The following CDK13 variants were observed in gnomAD, a reference collection of about 807,000 sequenced individuals.
The protein encoded by CDK13 is cyclin-dependent kinase 13.
A neutral mutation model predicts 137.6 loss-of-function variants in CDK13; 40 were observed. That is an observed-to-expected ratio of 0.29 (90% CI 0.23 to 0.38). The LOEUF (loss-of-function observed/expected upper bound fraction) is 0.38. CDK13 is among the 10% of genes least tolerant of loss of function. The pLI is 1.00. For missense variants in CDK13, 1,704 were observed against 1,951.8 expected, an observed-to-expected ratio of 0.87 and a Z score of 2.39; for synonymous variants, 869 against 760.1, an observed-to-expected ratio of 1.14 and a Z score of -2.36.
intron 1 of CDK13, among the ~76,000 whole-genome samples, chr7:39,978,118 C>T (rs1026615361): frequency 6.6e-6 from 1 of 151,680 alleles, no homozygotes; most frequent in Non-Finnish European, 1.5e-5. Context: ...TGATGGGGGA[C>T]GAATTGACAA....
chr7:40,002,070 A>G (rs1186964642), intron 5 of CDK13, 39 bp downstream of exon 5: 20 of 1,469,772 alleles, frequency 1.4e-5, no homozygotes, highest in Non-Finnish European at 1.7e-5. Context: ...TTTTGTATTC[A>G]TGATTGATGT....
At chr7:40,005,343 G>T (rs1784776133) in intron 5 of CDK13, among the ~76,000 whole-genome samples, 1 of 150,272 alleles carries the variant, frequency 6.7e-6, no homozygotes. Context: ...AGGCTGGAGT[G>T]CAGTGGCATG....
chr7:39,953,908 C>CA (rs1481647361), intron 1 of CDK13, among the ~76,000 whole-genome samples: 2 of 152,334 alleles, frequency 1.3e-5, no homozygotes, highest in Non-Finnish European at 2.9e-5. Flanking sequence ...CTTGAAGACT[C>CA]AGTTTCCTAA....
chr7:39,959,287 G>T (rs1490925953), intron 1 of CDK13, among the ~76,000 whole-genome samples: 2 of 151,228 alleles, frequency 1.3e-5, no homozygotes, highest in Admixed American at 6.6e-5. Context: ...TCAGCCTTCC[G>T]AGTAGCTGGG....
chr7:39,958,411 C>T (rs531495627), intron 1 of CDK13, among the ~76,000 whole-genome samples: 7 of 151,914 alleles, frequency 4.6e-5, no homozygotes, highest in Admixed American at 3.3e-4. Context: ...AGAAATTTTC[C>T]GTTAGTATAG....
intron 5 of CDK13, among the ~76,000 whole-genome samples, chr7:40,044,952 A>C (rs1031253306): frequency 1.3e-5 from 2 of 152,122 alleles, no homozygotes; most frequent in African/African-American, 4.8e-5. Context: ...AATCTCATAC[A>C]TAATATCTAG....
chr7:39,952,728 A>G (rs374627625), intron 1 of CDK13: 1 of 152,228 alleles, frequency 6.6e-6, no homozygotes, highest in African/African-American at 2.4e-5. Flanking sequence ...AAAACACAAT[A>G]TAACTAGACC....
chr7:40,077,742 G>GC (rs944606569), intron 9 of CDK13, among the ~76,000 whole-genome samples: 1 of 152,094 alleles, frequency 6.6e-6, no homozygotes, highest in Non-Finnish European at 1.5e-5. Flanking sequence ...TATAATCCCA[G>GC]CTACTCAGGA....
At chr7:40,048,353 T>C (rs1461558973) in intron 7 of CDK13, 1 of 152,202 alleles carries the variant, frequency 6.6e-6, no homozygotes, top group Non-Finnish European at 1.5e-5. Context: ...TGTAGAACTT[T>C]TCTGGCTAAA....
chr7:40,053,774 AAAAG>A lies in CDK13; in HGVS notation c.2600+5900_2600+5903del, dbSNP rs552852440. ...CCATTTTTCTTTTTTTTTTTTAAGA[AAAAG>A]AAGGGAAAAGGAAAGAACAAACTTA... On this transcript the variant is annotated intron_variant, in intron 7 of 13. Coordinates refer to ENST00000181839, the MANE Select transcript of CDK13 (RefSeq NM_003718.5). Among the ~76,000 whole-genome samples, 66 of 151,940 alleles carry A rather than the reference AAAAG, an allele frequency of 4.3e-4. 1 individual carries two copies. The highest frequency in any genetic ancestry group is 1.5e-3 in the African/African-American group (62 of 41,488).
At position 40,097,141 on chromosome 7, in the gene CDK13, T is replaced by G. The variant is rs1300198010; in HGVS notation, c.*2161T>G. ...TATTTTATATAAAATTGAACTGTGT[T>G]TGGATAGTTTTTCTAATCAAACATT... On this transcript the variant is annotated 3_prime_UTR_variant, in exon 14 of 14. Transcript: ENST00000181839. 2.0e-5 allele frequency: 3 copies of G among 152,102 alleles called. No individual in the cohort carries two copies. Among genetic ancestry groups the G allele is most frequent in the Non-Finnish European group, 4.4e-5 (3 of 67,972 alleles). 9.4% of individuals were successfully genotyped at this position (152,102 alleles called of 1,614,324 possible). A position where few individuals can be genotyped will look rare whatever the true frequency, so the allele number is the denominator to read the frequency against.
rs148099099 is a variant in CDK13, at chr7:39,992,839, A to G, written c.1871+4581A>G. On this transcript the variant is annotated intron_variant, in intron 2 of 13. Transcript: ENST00000181839. ...TCTGGAAATTACTTGTGCTTTGTTT[A>G]TATAAAGAATACACAGTTTTTTAGC... Among the ~76,000 whole-genome samples, 900 of 152,116 alleles carry G rather than the reference A, an allele frequency of 5.9e-3. 5 individuals are homozygous for G. The highest frequency in any genetic ancestry group is 0.021 in the African/African-American group (863 of 41,498).
At chr7:40,083,134 CCTT>C (rs1584084462) in intron 11 of CDK13, among the ~76,000 whole-genome samples, 1 of 149,654 alleles carries the variant, frequency 6.7e-6, no homozygotes, top group East Asian at 2.0e-4. Flanking sequence ...ATTCTAATGA[CCTT>C]CTAGGTGTTA....
intron 1 of CDK13, chr7:39,952,970 G>C (rs763050975): frequency 1.3e-5 from 2 of 152,158 alleles, no homozygotes; most frequent in Non-Finnish European, 1.5e-5. Context: ...AGACCTTATA[G>C]TGTAGAGTAT....
chr7:40,007,679 C>T (rs1466861888), intron 5 of CDK13, among the ~76,000 whole-genome samples: 2 of 152,140 alleles, frequency 1.3e-5, no homozygotes, highest in Admixed American at 6.5e-5. Context: ...CCACCCACCT[C>T]GGCCTCCCAA....
chr7:40,050,059 A>G (rs1330157889), intron 7 of CDK13, among the ~76,000 whole-genome samples: 1 of 151,640 alleles, frequency 6.6e-6, no homozygotes, highest in Non-Finnish European at 1.5e-5. Context: ...AGCTCACTAC[A>G]GCCTCCACCT....
chr7:40,016,781 A>G (rs1410457557), intron 5 of CDK13, among the ~76,000 whole-genome samples: 1 of 152,180 alleles, frequency 6.6e-6, no homozygotes, highest in Non-Finnish European at 1.5e-5. Context: ...CTATAATAAA[A>G]GAAATGTAAT....
At chr7:40,044,684 T>C (rs1391995224) in intron 5 of CDK13, among the ~76,000 whole-genome samples, 3 of 152,130 alleles carry the variant, frequency 2.0e-5, no homozygotes, top group Non-Finnish European at 4.4e-5. Context: ...TCACCCAGGC[T>C]AGAGTGCAGT....
chr7:40,027,755 T>C (rs1785276222), intron 5 of CDK13, among the ~76,000 whole-genome samples: 1 of 150,174 alleles, frequency 6.7e-6, no homozygotes, highest in Non-Finnish European at 1.5e-5. Context: ...ATGACTCAGA[T>C]TGGGCAGTTG....
Sources: allele counts gnomAD v4.1 joint callset (sites outside exome capture counted in the v4.1 genomes callset), GRCh38; gene constraint gnomAD v4.1.1; transcripts MANE v1.5; gene names NCBI Gene and HGNC (gene_info 2026-07-23, HGNC 2026-07-21).